GLIS1: variants seen among roughly 807,000 people sequenced by gnomAD.
GLIS1 encodes GLIS family zinc finger 1, also known as zinc finger protein GLIS1.
GLIS1 carries 24 observed loss-of-function variants against 63.8 expected under a neutral mutation model. The ratio of observed to expected loss-of-function variants is 0.38; its 90% confidence interval spans 0.27 to 0.53. GLIS1 has a LOEUF of 0.53. GLIS1 is among the 20% of genes least tolerant of loss of function. The pLI, the probability that GLIS1 is intolerant of heterozygous loss-of-function variation, is 0.85. For missense variants in GLIS1, 1,036 were observed against 1,074.1 expected, an observed-to-expected ratio of 0.96 and a Z score of 0.50; for synonymous variants, 450 against 482.5, an observed-to-expected ratio of 0.93 and a Z score of 0.88.
At chr1:53,652,657 C>T (rs1217000427) in intron 2 of GLIS1, among the ~76,000 whole-genome samples, 2 of 152,140 alleles carry the variant, frequency 1.3e-5, no homozygotes, top group Non-Finnish European at 2.9e-5. Flanking sequence ...AGTTGATAAA[C>T]GAATGAGTCC....
intron 4 of GLIS1, among the ~76,000 whole-genome samples, chr1:53,549,484 G>C (rs1182794451): frequency 6.6e-6 from 1 of 152,190 alleles, no homozygotes; most frequent in African/African-American, 2.4e-5. Context: ...GGTGTGAAGT[G>C]GTAGCTCCTT....
At chr1:53,506,829 C>A in intron 10 of GLIS1, 53 bp from the exon 11 acceptor site, 23 of 1,547,566 alleles carry the variant, frequency 1.5e-5, no homozygotes, top group Non-Finnish European at 1.9e-5. Flanking sequence ...GCTGTGCCTG[C>A]GCATGCTTCC....
intron 1 of GLIS1, among the ~76,000 whole-genome samples, chr1:53,738,578 G>A (rs1282014240): frequency 6.6e-6 from 1 of 152,184 alleles, no homozygotes; most frequent in African/African-American, 2.4e-5. Flanking sequence ...GCCGAGCTGC[G>A]CGCAGAAGCT....
intron 2 of GLIS1, among the ~76,000 whole-genome samples, chr1:53,736,344 G>C (rs1301244706): frequency 3.9e-5 from 6 of 152,204 alleles, no homozygotes; most frequent in Admixed American, 3.3e-4. Flanking sequence ...CCATAGCGTG[G>C]AACAAAGATT....
At position 53,509,210 on chromosome 1, in the gene GLIS1, C is replaced by T. The variant is rs746773227; in HGVS notation, c.2140G>A (p.Gly714Ser). 66 of 1,597,608 alleles carry T rather than the reference C, an allele frequency of 4.1e-5. No individual in the cohort carries two copies. The highest frequency in any genetic ancestry group is 1.7e-4 in the Middle Eastern group (1 of 5,768). ...DCYRMAEPAA[G>S]GDGLVGETHG... ...GTCTCCCCGACCAGTCCGTCCCCACCGGCTGCTGGTTCAGCCATCCGGTAG... is the reference window on the plus strand; with the variant it reads ...GTCTCCCCGACCAGTCCGTCCCCACTGGCTGCTGGTTCAGCCATCCGGTAG... The change falls in exon 10 of 11, where the codon GGT (glycine) becomes AGT (serine). Residue 714 changes from glycine (G) to serine (S), a missense_variant. Transcript: ENST00000628545.
intron 2 of GLIS1, among the ~76,000 whole-genome samples, chr1:53,650,344 CTT>C (rs1259865008): frequency 6.6e-6 from 1 of 152,154 alleles, no homozygotes; most frequent in Non-Finnish European, 1.5e-5. Flanking sequence ...AATCAAAGCA[CTT>C]TGGGAGGCTG....
chr1:53,659,815 G>A (rs944322646), intron 2 of GLIS1, among the ~76,000 whole-genome samples: 1 of 152,218 alleles, frequency 6.6e-6, no homozygotes, highest in East Asian at 1.9e-4. Flanking sequence ...ACCTCAGTGG[G>A]TCTATGTGAG....
At chr1:53,540,339 C>T (rs1361998876) in intron 4 of GLIS1, among the ~76,000 whole-genome samples, 1 of 152,138 alleles carries the variant, frequency 6.6e-6, no homozygotes, top group Non-Finnish European at 1.5e-5. Flanking sequence ...AAGAGGGCCA[C>T]AGTGAATAAA....
chr1:53,562,619 GC>G (rs1377991483), intron 4 of GLIS1, among the ~76,000 whole-genome samples: 1 of 152,098 alleles, frequency 6.6e-6, no homozygotes, highest in Admixed American at 6.5e-5. Flanking sequence ...TGCCCCGGGG[GC>G]AGGCATCCCA....
chr1:53,514,480 C>T (rs752406716), intron 8 of GLIS1, 145 bp downstream of exon 8: 12 of 753,352 alleles, frequency 1.6e-5, no homozygotes, highest in Non-Finnish European at 2.6e-5. Flanking sequence ...GTGTGGAATG[C>T]AGTCTGCAGT....
chr1:53,667,747 G>C (rs1646109374), intron 2 of GLIS1, among the ~76,000 whole-genome samples: 1 of 152,192 alleles, frequency 6.6e-6, no homozygotes. Flanking sequence ...AAAGCAAAAA[G>C]GGCAAGCTAG....
chr1:53,724,916 G>A (rs61774781), intron 2 of GLIS1, among the ~76,000 whole-genome samples: 1 of 152,054 alleles, frequency 6.6e-6, no homozygotes, highest in Admixed American at 6.6e-5. Context: ...AAAATGAGGA[G>A]GAGAAAGAGG....
intron 2 of GLIS1, among the ~76,000 whole-genome samples, chr1:53,601,258 T>C (rs1645314954): frequency 6.6e-6 from 1 of 152,164 alleles, no homozygotes; most frequent in Non-Finnish European, 1.5e-5. Flanking sequence ...CGTTCCCCAG[T>C]GATGCTGTGA....
chr1:53,667,321 T>C (rs1203035671), intron 2 of GLIS1, among the ~76,000 whole-genome samples: 5 of 152,234 alleles, frequency 3.3e-5, no homozygotes, highest in Admixed American at 1.3e-4. Context: ...ACCACTTCTC[T>C]TGCCCCTTGC....
intron 2 of GLIS1, among the ~76,000 whole-genome samples, chr1:53,733,083 TCCA>T (rs1369284886): frequency 6.6e-6 from 1 of 152,094 alleles, no homozygotes; most frequent in Non-Finnish European, 1.5e-5. Context: ...CTGGCCAAAC[TCCA>T]CAAAGTAAAA....
At chr1:53,642,527 G>C (rs1027899644) in intron 2 of GLIS1, among the ~76,000 whole-genome samples, 2 of 152,182 alleles carry the variant, frequency 1.3e-5, no homozygotes, top group Non-Finnish European at 2.9e-5. Context: ...CAGAAGGTTT[G>C]TTCTGTTGGT....
intron 2 of GLIS1, among the ~76,000 whole-genome samples, chr1:53,686,225 A>G (rs544035423): frequency 1.5e-4 from 23 of 152,132 alleles, no homozygotes; most frequent in African/African-American, 4.8e-4. Context: ...ATGAGGGAGG[A>G]AGGAAGGAAG....
At chr1:53,578,744 A>G (rs2100489086) in intron 4 of GLIS1, among the ~76,000 whole-genome samples, 1 of 152,362 alleles carries the variant, frequency 6.6e-6, no homozygotes, top group African/African-American at 2.4e-5. Flanking sequence ...TTAACTGCAC[A>G]TAGATCTTTT....
At chr1:53,643,059 C>T (rs1444075647) in intron 2 of GLIS1, among the ~76,000 whole-genome samples, 2 of 152,160 alleles carry the variant, frequency 1.3e-5, no homozygotes, top group Non-Finnish European at 1.5e-5. Context: ...CTCTGAGTCC[C>T]GTCTTCTCGG....
Sources: gnomAD v4.1 joint callset for allele counts (sites outside exome capture counted in the v4.1 genomes callset) on GRCh38, gnomAD v4.1.1 for gene constraint, MANE v1.5 for transcripts, NCBI Gene and HGNC (gene_info 2026-07-23, HGNC 2026-07-21) for gene names.